The following MCM6 variants were observed in gnomAD, a reference collection of about 807,000 sequenced individuals.
MCM6 encodes DNA replication licensing factor MCM6.
Under a neutral mutation model 94.3 loss-of-function variants are expected in MCM6, and 46 were observed. The ratio of observed to expected loss-of-function variants is 0.49; its 90% CI spans 0.39 to 0.62. MCM6 has a LOEUF of 0.62. Ranked by LOEUF, MCM6 falls within the 20% of genes least tolerant of loss-of-function variation. The probability of loss-of-function intolerance (pLI) is 0.00; values close to 1 mark genes in which losing one functional copy is unlikely to be tolerated. For missense variants in MCM6, 865 were observed against 1,017.9 expected (o/e 0.85, Z 2.04); for synonymous variants, 335 against 351.9 (o/e 0.95, Z 0.54).
Position 135,868,863 on chromosome 2 carries a change from GT to G in MCM6, c.366-4del. 1 of 1,612,970 alleles carries G rather than the reference GT, an allele frequency of 6.2e-7. No individual in the cohort carries two copies. Among genetic ancestry groups the G allele is most frequent in the South Asian group, 1.1e-5 (1 of 91,042 alleles). On this transcript the variant is annotated splice_region_variant and splice_polypyrimidine_tract_variant and intron_variant, in intron 3 of 16. Coordinates refer to ENST00000264156, the MANE Select transcript of MCM6 (RefSeq NM_005915.6). ...TGGATGAGGTGAGCTCTCGAATCCT[GT>G]TTAAAGACAAATGTCCCATTAGTAA...
rs534278334 is a variant in MCM6 at position 135,864,853 on chromosome 2, G to A, written c.1078+160C>T. 3.3e-5 allele frequency among the ~76,000 whole-genome samples: 5 copies of A among 152,194 alleles called. No individual in the cohort carries two copies. The East Asian group carries it at 5.8e-4, about 18-fold the overall frequency. On this transcript the variant is annotated intron_variant, in intron 7 of 16. Coordinates refer to ENST00000264156, the MANE Select transcript of MCM6 (RefSeq NM_005915.6). Reference sequence around the variant, plus strand: ...TGAATTTGCACATTACAGGTACCTCGTATAAGTGAAATCATGTACCTGTCC... The same window carrying A: ...TGAATTTGCACATTACAGGTACCTCATATAAGTGAAATCATGTACCTGTCC...
At position 135,872,803 on chromosome 2, in the gene MCM6, C is replaced by T. The variant is rs1455587430; in HGVS notation, c.148G>A (p.Ala50Thr). The change falls in exon 2 of 17, where the codon GCA (alanine) becomes ACA (threonine). Residue 50 changes from alanine (A) to threonine (T), a missense_variant. Physicochemically the swap from Ala to Thr is moderately conservative, Grantham distance 58. Coordinates refer to ENST00000264156, the MANE Select transcript of MCM6 (RefSeq NM_005915.6). ...SDGEIKYLQL[A>T]EELIRPERNT... is the part of the protein sequence containing the mutation. ...CTCTCAGGACGAATCAGTTCCTCTGCTAATTGCAAGTATTTAATTTCTCCA... is the reference window on the plus strand; with the variant it reads ...CTCTCAGGACGAATCAGTTCCTCTGTTAATTGCAAGTATTTAATTTCTCCA... 1 of 1,614,094 alleles carries T rather than the reference C, an allele frequency of 6.2e-7. No homozygotes were observed. Among genetic ancestry groups the T allele is most frequent in the East Asian group, 2.2e-5 (1 of 44,900 alleles).
In MCM6 at chr2:135,840,263, C is replaced by G. The variant is rs1001684806; in HGVS notation, c.*572G>C. On this transcript the variant is annotated 3_prime_UTR_variant, in exon 17 of 17. Transcript: ENST00000264156. ...ACAACTGGAATTAACCTTGGAAAGT[C>G]ATCTCTAAGGCCTCTAGCTTTCATA... 1.3e-5 allele frequency: 2 copies of G among 150,432 alleles called. No homozygotes were observed. The highest frequency in any genetic ancestry group is 2.9e-5 in the Non-Finnish European group (2 of 67,810). The allele number at this position is 150,432 out of a possible 1,614,324, so 9.3% of individuals were successfully genotyped here. A position where few individuals can be genotyped will look rare whatever the true frequency, so the allele number is the denominator to read the frequency against.
intron 9 of MCM6, 22 bp downstream of exon 9, chr2:135,859,279 G>T: frequency 2.5e-6 from 4 of 1,599,770 alleles, no homozygotes; most frequent in Non-Finnish European, 3.4e-6. Context: ...TCTTTATACT[G>T]AAGAGTGTAA....
rs1382259266 is a variant in MCM6 at position 135,840,185 on chromosome 2, G to A, written c.*650C>T. On this transcript the variant is annotated 3_prime_UTR_variant, in exon 17 of 17. Transcript: ENST00000264156. ...CACAGAAGTAAAATAAATTACTAAA[G>A]AGTAATTTTAAAAAAGTATAATAAA... 1.4e-5 allele frequency: 2 copies of A among 144,416 alleles called. No individual in the cohort carries two copies. The highest frequency in any genetic ancestry group is 3.0e-5 in the Non-Finnish European group (2 of 66,012). 8.9% of individuals were successfully genotyped at this position (144,416 alleles called of 1,614,324 possible).
At chr2:135,844,517 A>AC in intron 16 of MCM6, 28 bp downstream of exon 16, 1 of 1,436,432 alleles carries the variant, frequency 7.0e-7, no homozygotes, top group African/African-American at 1.5e-5. Flanking sequence ...CCTCCCTGAT[A>AC]CCAGAGCACG....
chr2:135,858,324 T>G (rs771092405), intron 9 of MCM6, among the ~76,000 whole-genome samples: 3 of 152,092 alleles, frequency 2.0e-5, no homozygotes, highest in Admixed American at 6.6e-5. Flanking sequence ...CCGTCTCTAC[T>G]GAAAATACAA....
rs575681122 is a variant in MCM6, at chr2:135,863,219, A to G, written c.1079-471T>C. ...ACCAGCACTGAATAAATATATGTTA[A>G]CTGAATTCATGTGGATTAAATAAGA... On this transcript the variant is annotated intron_variant, in intron 7 of 16. Coordinates refer to ENST00000264156, the MANE Select transcript of MCM6 (RefSeq NM_005915.6). 1.7e-3 allele frequency among the ~76,000 whole-genome samples: 264 copies of G among 152,378 alleles called. 1 individual carries two copies. Among genetic ancestry groups the G allele is most frequent in the African/African-American group, 5.7e-3 (236 of 41,598 alleles).
At position 135,851,560 on chromosome 2, in the gene MCM6, A is replaced by C; in HGVS notation, c.1759T>G (p.Ser587Ala). The change falls in exon 13 of 17, where the codon TCC becomes GCC. Residue 587 changes from serine (S) to alanine (A), a missense_variant. This residue lies in a region of MCM6 where 308 missense variants were observed against 324.5 expected (regional missense o/e 0.95). Transcript: ENST00000264156. Reference protein sequence around the residue: ...LFARQFKPKISKESEDFIVEQ... With the variant: ...LFARQFKPKIAKESEDFIVEQ... ...ACAATGAAGTCCTCTGACTCTTTGG[A>C]AATCTGTTTCAGATCATCACTCAAG... 6.3e-7 allele frequency: 1 copy of C among 1,596,778 alleles called. No individual in the cohort carries two copies. Among genetic ancestry groups the C allele is most frequent in the South Asian group, 1.1e-5 (1 of 89,762 alleles).
intron 5 of MCM6, 106 bp from the exon 6 acceptor site, chr2:135,866,383 C>T: frequency 1.4e-6 from 2 of 1,450,522 alleles, no homozygotes; most frequent in Non-Finnish European, 1.9e-6. Context: ...TCACTTAAGC[C>T]TTGAATACTT....
At position 135,862,641 on chromosome 2, in the gene MCM6, C is replaced by T; in HGVS notation, c.1186G>A (p.Gly396Ser). Reference sequence around the variant, plus strand: ...TGGCTCTTAGCTGTACTTGGGTCACCAACAATGCAAACATTTATGTCCCCT... The same window carrying T: ...TGGCTCTTAGCTGTACTTGGGTCACTAACAATGCAAACATTTATGTCCCCT... ...LRGDINVCIV[G>S]DPSTAKSQFL... The change falls in exon 8 of 17, where the codon GGT becomes AGT. Residue 396 changes from glycine to serine, a missense_variant. Physicochemically the swap from Gly to Ser is moderately conservative, Grantham distance 56 (BLOSUM62 0). Coordinates refer to ENST00000264156, the MANE Select transcript of MCM6 (RefSeq NM_005915.6). 1 of 1,614,132 alleles carries T rather than the reference C, an allele frequency of 6.2e-7. No homozygotes were observed. Among genetic ancestry groups the T allele is most frequent in the Non-Finnish European group, 8.5e-7 (1 of 1,180,012 alleles).
rs367727327 is a variant in MCM6, at chr2:135,852,920, T to A, written c.1627-5A>T. 6 of 1,585,774 alleles carry A rather than the reference T, an allele frequency of 3.8e-6. No homozygotes were observed. The Admixed American group carries it at 5.7e-5, about 15-fold the overall frequency. On this transcript the variant is annotated splice_polypyrimidine_tract_variant and splice_region_variant and intron_variant, in intron 11 of 16. Transcript: ENST00000264156. The stretch of plus-strand genomic sequence containing the variant: ...GGCAATGGCATAATCTGTAACCTAA[T>A]TCAAAACAAAAAAATCACTTTGATA...
At chr2:135,872,906 A>T in intron 1 of MCM6, 63 bp from the exon 2 acceptor site, 1 of 1,573,660 alleles carries the variant, frequency 6.4e-7, no homozygotes, top group Non-Finnish European at 8.6e-7. Flanking sequence ...CTGAATGATA[A>T]TTCAGAACAT....
intron 10 of MCM6, among the ~76,000 whole-genome samples, chr2:135,857,413 A>G (rs1159976745): frequency 6.6e-6 from 1 of 152,212 alleles, no homozygotes; most frequent in Non-Finnish European, 1.5e-5. Flanking sequence ...TTTATCCATT[A>G]GATACCTCTA....
chr2:135,842,045 C>T (rs866825440), intron 16 of MCM6, among the ~76,000 whole-genome samples: 4 of 152,002 alleles, frequency 2.6e-5, no homozygotes, highest in Middle Eastern at 3.2e-3. Context: ...GCGGAAGTTG[C>T]GGCGAGCTGA....
In MCM6 at chr2:135,859,326, G is replaced by A; in HGVS notation, c.1337C>T (p.Ala446Val). The A allele has an allele frequency of 6.2e-7, 1 of 1,613,726 alleles. No individual in the cohort carries two copies. Reference sequence around the variant, plus strand: ...ATTATCAGCCAACATCAAAGCTCCAGCCTCAATGACAAACTCATGAGATTC... The same window carrying A: ...ATTATCAGCCAACATCAAAGCTCCAACCTCAATGACAAACTCATGAGATTC... ...DEESHEFVIE[A>V]GALMLADNGV... The change falls in exon 9 of 17, where the codon GCT (alanine) becomes GTT (valine). Residue 446 changes from alanine (A) to valine (V), a missense_variant. By Grantham distance (64) the Ala-to-Val change is moderately conservative (BLOSUM62 0). Transcript: ENST00000264156.
intron 4 of MCM6, among the ~76,000 whole-genome samples, chr2:135,867,377 C>A (rs1435577): frequency 1.6e-4 from 25 of 151,994 alleles, no homozygotes; most frequent in South Asian, 6.2e-4. Flanking sequence ...GTTCCCCCCC[C>A]CAAACTAAGA....
chr2:135,875,993 G>A (rs1314024742), intron 1 of MCM6, among the ~76,000 whole-genome samples: 6 of 152,232 alleles, frequency 3.9e-5, no homozygotes, highest in Admixed American at 3.9e-4. Context: ...GCGGGGTGGT[G>A]AGCATCAAGT....
chr2:135,867,809 G>A (rs1039877616), intron 4 of MCM6, among the ~76,000 whole-genome samples: 5 of 152,094 alleles, frequency 3.3e-5, no homozygotes, highest in Admixed American at 6.5e-5. Context: ...GGCGGATCAC[G>A]AAGTCAGGAG....
Sources: gnomAD v4.1 joint callset for allele counts (sites outside exome capture counted in the v4.1 genomes callset) on GRCh38, gnomAD v4.1.1 for gene constraint, gnomAD v4.1.1 regional missense constraint, MANE v1.5 for transcripts, NCBI Gene and HGNC (gene_info 2026-07-23, HGNC 2026-07-21) for gene names.